The following MECOM variants were observed in gnomAD, a reference collection of about 807,000 sequenced individuals.
The protein encoded by MECOM is histone-lysine N-methyltransferase MECOM.
MECOM carries 13 observed loss-of-function variants against 116.3 expected under a neutral mutation model. The ratio of observed to expected loss-of-function variants is 0.11; its 90% CI spans 0.07 to 0.18. MECOM has a LOEUF of 0.18. Among genes scored for constraint, MECOM ranks in the 10% least tolerant of loss-of-function variants. MECOM has a pLI of 1.00. For synonymous variants in MECOM, 528 were observed against 535.2 expected (o/e 0.99, Z 0.19); for missense variants, 1,299 against 1,509.0 (o/e 0.86, Z 2.31).
At position 169,089,136 on chromosome 3, in the gene MECOM, A is replaced by G. The variant is rs1463437963; in HGVS notation, c.3449T>C (p.Ile1150Thr). The G allele has an allele frequency of 1.9e-6, 3 of 1,599,212 alleles. No homozygotes were observed. The highest frequency in any genetic ancestry group is 2.6e-6 in the Non-Finnish European group (3 of 1,173,856). The change falls in exon 16 of 17, where the codon ATA (isoleucine) becomes ACA (threonine). Residue 1150 changes from isoleucine to threonine, a missense_variant. Physicochemically the swap from Ile to Thr is moderately conservative, Grantham distance 89 (BLOSUM62 -1). Coordinates refer to ENST00000651503, the MANE Select transcript of MECOM (RefSeq NM_004991.4). ...YKSGLSALDH[I>T]RHFTDSLKMR... ...TTTGAGGCTATCTGTGAAGTGCCTT[A>G]TATGATCTAGAGCAGAAAGTCCACT... is the stretch of plus-strand genomic sequence containing the variant.
intron 2 of MECOM, among the ~76,000 whole-genome samples, chr3:169,205,750 C>T (rs1047612741): frequency 6.6e-6 from 1 of 152,140 alleles, no homozygotes; most frequent in Non-Finnish European, 1.5e-5. Context: ...AATTAGATCG[C>T]TTAGAATTTT....
At chr3:169,248,671 A>G (rs2149576523) in intron 2 of MECOM, among the ~76,000 whole-genome samples, 1 of 152,278 alleles carries the variant, frequency 6.6e-6, no homozygotes, top group South Asian at 2.1e-4. Context: ...TACAAGTATT[A>G]GTTAAAATGA....
intron 2 of MECOM, among the ~76,000 whole-genome samples, chr3:169,364,890 T>C (rs868616820): frequency 7.9e-5 from 12 of 152,094 alleles, no homozygotes; most frequent in Non-Finnish European, 1.8e-4. Context: ...CCGTATTTAA[T>C]GCAAGGATGT....
intron 2 of MECOM, among the ~76,000 whole-genome samples, chr3:169,245,497 G>A (rs1352340): frequency 6.6e-6 from 1 of 152,118 alleles, no homozygotes; most frequent in Non-Finnish European, 1.5e-5. Context: ...GTACTTTACT[G>A]TGGGTGGTAG....
At chr3:169,312,102 C>T (rs1415201230) in intron 2 of MECOM, among the ~76,000 whole-genome samples, 1 of 152,048 alleles carries the variant, frequency 6.6e-6, no homozygotes. Flanking sequence ...ACTAGAGAGT[C>T]TGGAACTAAC....
At chr3:169,661,214 T>C (rs910402240) in intron 1 of MECOM, among the ~76,000 whole-genome samples, 1 of 151,784 alleles carries the variant, frequency 6.6e-6, no homozygotes, top group African/African-American at 2.4e-5. Flanking sequence ...GGGCAGTGAG[T>C]TGCGGCGCGA....
At chr3:169,232,324 C>T (rs779287968) in intron 2 of MECOM, among the ~76,000 whole-genome samples, 15 of 152,020 alleles carry the variant, frequency 9.9e-5, no homozygotes, top group Non-Finnish European at 1.9e-4. Flanking sequence ...TAAAAATTTC[C>T]AGCTCCACCA....
At chr3:169,089,935 G>A in intron 15 of MECOM, 65 bp downstream of exon 15, 1 of 1,529,960 alleles carries the variant, frequency 6.5e-7, no homozygotes, top group Non-Finnish European at 8.7e-7. Context: ...GCTTATCACA[G>A]GAGGAATTGC....
intron 1 of MECOM, among the ~76,000 whole-genome samples, chr3:169,640,004 G>A (rs1440077825): frequency 1.3e-5 from 2 of 152,048 alleles, no homozygotes; most frequent in Admixed American, 6.6e-5. Context: ...CCTCTATCTG[G>A]AACAGGAAAA....
At chr3:169,603,077 T>G (rs1279089525) in intron 1 of MECOM, among the ~76,000 whole-genome samples, 2 of 152,090 alleles carry the variant, frequency 1.3e-5, no homozygotes, top group Non-Finnish European at 2.9e-5. Flanking sequence ...AATAACAAAT[T>G]ATATACAGTC....
rs191551188 is a variant in MECOM at position 169,593,781 on chromosome 3, C to T, written c.37+69555G>A. Among the ~76,000 whole-genome samples, 301 of 152,244 alleles carry T rather than the reference C, an allele frequency of 2.0e-3. 1 individual carries two copies. Among genetic ancestry groups the T allele is most frequent in the Middle Eastern group, 6.8e-3 (2 of 294 alleles). ...TCAAAGACAGTCATTGCTCATAAGGCTAAACCAAGTGGTCCAATTTCATTT... is the reference window on the plus strand; with the variant it reads ...TCAAAGACAGTCATTGCTCATAAGGTTAAACCAAGTGGTCCAATTTCATTT... On this transcript the variant is annotated intron_variant, in intron 1 of 16. Coordinates refer to ENST00000651503, the MANE Select transcript of MECOM (RefSeq NM_004991.4).
intron 9 of MECOM, among the ~76,000 whole-genome samples, chr3:169,110,355 G>C (rs889636390): frequency 1.3e-5 from 2 of 151,948 alleles, no homozygotes; most frequent in Non-Finnish European, 2.9e-5. Context: ...CCTCATTTAG[G>C]TCCTTCCACA....
rs34865565 is a variant in MECOM, at chr3:169,215,242, CT to C, written c.376-71411del. Among the ~76,000 whole-genome samples the C allele has an allele frequency of 8.3e-4, 114 of 138,154 alleles. 1 individual carries two copies. Among genetic ancestry groups the C allele is most frequent in the South Asian group, 2.7e-3 (12 of 4,440 alleles). 90.6% of individuals were successfully genotyped at this position (138,154 alleles called of 152,430 possible). A position where few individuals can be genotyped will look rare whatever the true frequency, so the allele number is the denominator to read the frequency against. On this transcript the variant is annotated intron_variant, in intron 2 of 16. Coordinates refer to ENST00000651503, the MANE Select transcript of MECOM (RefSeq NM_004991.4). ...GTCTTTTTTTTCCCCCTCCTCTTTC[CT>C]TTTTTTTTTTTTTTAAAAAAGCAGA... is the stretch of plus-strand genomic sequence containing the variant.
chr3:169,114,150 G>A lies in MECOM; in HGVS notation c.2489+1233C>T, dbSNP rs148426254. On this transcript the variant is annotated intron_variant, in intron 8 of 16. Coordinates refer to ENST00000651503, the MANE Select transcript of MECOM (RefSeq NM_004991.4). ...TTGAGTTGGAAATACGACTTTACCC[G>A]AAATGTGTGACATACAATCTACACA... Among the ~76,000 whole-genome samples, 491 of 151,892 alleles carry A rather than the reference G, an allele frequency of 3.2e-3. 2 individuals carry two copies. The highest frequency in any genetic ancestry group is 5.9e-3 in the Non-Finnish European group (399 of 67,910).
intron 1 of MECOM, among the ~76,000 whole-genome samples, chr3:169,631,823 G>T (rs1452557788): frequency 6.6e-6 from 1 of 151,854 alleles, no homozygotes; most frequent in African/African-American, 2.4e-5. Flanking sequence ...TTGGTTCAAG[G>T]CTGTTGAGTA....
intron 1 of MECOM, among the ~76,000 whole-genome samples, chr3:169,503,568 T>G (rs1367011755): frequency 1.3e-5 from 2 of 152,202 alleles, no homozygotes; most frequent in Non-Finnish European, 2.9e-5. Context: ...ATTTTATCCC[T>G]TAGACTTCTG....
At chr3:169,367,736 AC>A (rs1414152597) in intron 2 of MECOM, among the ~76,000 whole-genome samples, 1 of 152,060 alleles carries the variant, frequency 6.6e-6, no homozygotes, top group Non-Finnish European at 1.5e-5. Flanking sequence ...TAAATGCTCA[AC>A]AGTGTAAAGG....
chr3:169,479,102 A>G (rs1372226628), intron 1 of MECOM, among the ~76,000 whole-genome samples: 1 of 152,240 alleles, frequency 6.6e-6, no homozygotes, highest in East Asian at 1.9e-4. Flanking sequence ...GACAGACATT[A>G]GCCAACATCT....
chr3:169,223,375 A>G (rs1253673428), intron 2 of MECOM, among the ~76,000 whole-genome samples: 1 of 143,676 alleles, frequency 7.0e-6, no homozygotes, highest in Non-Finnish European at 1.5e-5. Flanking sequence ...TATGAGTGAG[A>G]ACATGTGGTG....
Sources: allele counts gnomAD v4.1 joint callset (sites outside exome capture counted in the v4.1 genomes callset), GRCh38; gene constraint gnomAD v4.1.1; transcripts MANE v1.5; gene names NCBI Gene and HGNC (gene_info 2026-07-23, HGNC 2026-07-21).